FSTL4: variants seen among roughly 807,000 people sequenced by gnomAD.
FSTL4 encodes the protein follistatin-related protein 4.
In FSTL4, 28 loss-of-function variants were observed where a neutral mutation model predicts 78.2. The observed-to-expected ratio is 0.36, with a 90% CI of 0.27 to 0.49. FSTL4 has a LOEUF of 0.49. FSTL4 is among the 20% of genes least tolerant of loss of function. The pLI is 0.98. For synonymous variants in FSTL4, 422 were observed against 440.5 expected, an observed-to-expected ratio of 0.96 and a Z score of 0.53; for missense variants, 922 against 1,084.9, an observed-to-expected ratio of 0.85 and a Z score of 2.11.
intron 4 of FSTL4, among the ~76,000 whole-genome samples, chr5:133,362,908 A>AT (rs1007431545): frequency 1.3e-4 from 20 of 152,068 alleles, no homozygotes; most frequent in Non-Finnish European, 2.2e-4. Flanking sequence ...TTTAAAATTC[A>AT]TTTTTTTCTT....
intron 8 of FSTL4, among the ~76,000 whole-genome samples, chr5:133,233,156 G>A (rs1751545160): frequency 6.6e-6 from 1 of 152,262 alleles, no homozygotes; most frequent in Non-Finnish European, 1.5e-5. Context: ...CCCAGCTGCT[G>A]AGCGTGACTG....
Position 133,573,626 on chromosome 5 carries a change from TGG to T in FSTL4, c.127-6409_127-6408del, listed in dbSNP as rs1760209485. Among the ~76,000 whole-genome samples the T allele has an allele frequency of 2.0e-5, 3 of 152,202 alleles. No homozygotes were observed. The South Asian group carries it at 6.2e-4, about 32-fold the overall frequency. On this transcript the variant is annotated intron_variant, in intron 2 of 15. Transcript: ENST00000265342. Reference sequence around the variant, plus strand: ...AATTTTTTTAACCCACAATAATGGTTGGAAAATTTAAAAAATCTCTGTCTTTA... The same window carrying T: ...AATTTTTTTAACCCACAATAATGGTTAAAATTTAAAAAATCTCTGTCTTTA...
chr5:133,362,172 A>G (rs1446892606), intron 4 of FSTL4, among the ~76,000 whole-genome samples: 1 of 152,244 alleles, frequency 6.6e-6, no homozygotes, highest in Non-Finnish European at 1.5e-5. Context: ...TTGTATTTGT[A>G]GAGGCTGCCT....
At chr5:133,717,010 G>A in the FSTL4 span, among the ~76,000 whole-genome samples, 1 of 152,198 alleles carries the variant, frequency 6.6e-6, no homozygotes, top group Non-Finnish European at 1.5e-5. Context: ...AGTCTGTCCT[G>A]AGCCAGAATG....
At chr5:133,290,140 C>T (rs1285182515) in intron 6 of FSTL4, among the ~76,000 whole-genome samples, 2 of 152,166 alleles carry the variant, frequency 1.3e-5, no homozygotes, top group Non-Finnish European at 2.9e-5. Flanking sequence ...TGTGGCCCCT[C>T]GCAAAAGCAG....
chr5:133,715,325 G>A, the FSTL4 span, among the ~76,000 whole-genome samples: 1 of 152,198 alleles, frequency 6.6e-6, no homozygotes, highest in Non-Finnish European at 1.5e-5. Context: ...GACTAAATTG[G>A]CAGTTTATTA....
chr5:133,210,562 G>A (rs1158216414), intron 13 of FSTL4, among the ~76,000 whole-genome samples: 1 of 151,712 alleles, frequency 6.6e-6, no homozygotes, highest in African/African-American at 2.4e-5. Context: ...ATGTGATCTC[G>A]GCTCACTGCA....
chr5:133,759,365 C>G, the FSTL4 span, among the ~76,000 whole-genome samples: 29 of 152,308 alleles, frequency 1.9e-4, no homozygotes, highest in Admixed American at 3.3e-4. Flanking sequence ...TAACTTGGCA[C>G]AGCCCTTTCA....
intron 6 of FSTL4, among the ~76,000 whole-genome samples, chr5:133,251,682 TTC>T (rs1393151634): frequency 6.6e-6 from 1 of 152,178 alleles, no homozygotes; most frequent in Non-Finnish European, 1.5e-5. Flanking sequence ...ATTAAAGCCT[TTC>T]TTCCCTGGCA....
At chr5:133,780,008 C>G in the FSTL4 span, among the ~76,000 whole-genome samples, 5 of 152,180 alleles carry the variant, frequency 3.3e-5, no homozygotes. Context: ...GACCCAATAC[C>G]TCTGGGGAGC....
In FSTL4 at chr5:133,312,713, C is replaced by T. The variant is rs761056841; in HGVS notation, c.668G>A (p.Arg223Gln). The T allele has an allele frequency of 1.9e-5, 30 of 1,613,694 alleles. No homozygotes were observed. Among genetic ancestry groups the T allele is most frequent in the Admixed American group, 1.2e-4 (7 of 60,010 alleles). Residue 223 changes from arginine to glutamine, a missense_variant, in exon 6 of 16, where the codon CGA (arginine) becomes CAA (glutamine). Arg to Gln is a conservative substitution (Grantham distance 43). Coordinates refer to ENST00000265342, the MANE Select transcript of FSTL4 (RefSeq NM_015082.2). ...LLGCSPGDLL[R>Q]FDDYNSDSSL... ...GCTGTCACTGTTGTAATCGTCAAAT[C>T]GGAGGAGGTCACCTGGTGAGCAACC...
the FSTL4 span, among the ~76,000 whole-genome samples, chr5:133,753,728 T>TGTGTGTAC: frequency 4.1e-4 from 10 of 24,578 alleles, no homozygotes; most frequent in African/African-American, 1.1e-3. Context: ...TGTGTGTGTG[T>TGTGTGTAC]AGTGGCAGGG....
At chr5:133,785,219 T>G in the FSTL4 span, among the ~76,000 whole-genome samples, 2 of 152,174 alleles carry the variant, frequency 1.3e-5, no homozygotes, top group Non-Finnish European at 2.9e-5. Context: ...CCACAGCCCC[T>G]GTTCCTTCCT....
At chr5:133,627,151 C>CTTTTTTTTTTTTT in the FSTL4 span, among the ~76,000 whole-genome samples, 66 of 92,992 alleles carry the variant, frequency 7.1e-4, 1 homozygote, top group East Asian at 8.8e-4. Flanking sequence ...CTCTGTGTCT[C>CTTTTTTTTTTTTT]TTTTTTTTTT....
the FSTL4 span, among the ~76,000 whole-genome samples, chr5:133,698,113 C>A: frequency 2.0e-5 from 3 of 152,166 alleles, no homozygotes; most frequent in Non-Finnish European, 4.4e-5. Flanking sequence ...TCCTCTGACC[C>A]CTGACTATCA....
At chr5:133,267,977 T>C (rs1303752923) in intron 6 of FSTL4, among the ~76,000 whole-genome samples, 1 of 152,180 alleles carries the variant, frequency 6.6e-6, no homozygotes, top group East Asian at 1.9e-4. Context: ...CTGGAGGAAT[T>C]TGCTTTCAAT....
intron 1 of FSTL4, among the ~76,000 whole-genome samples, chr5:133,604,599 C>T (rs1376068846): frequency 6.6e-6 from 1 of 152,118 alleles, no homozygotes; most frequent in Admixed American, 6.6e-5. Context: ...ATTCCAGCTA[C>T]TCAGGAGGCT....
intron 12 of FSTL4, 77 bp downstream of exon 12, chr5:133,220,671 G>T: frequency 1.2e-6 from 1 of 819,316 alleles, no homozygotes; most frequent in Non-Finnish European, 2.1e-6. Context: ...AAATCAAATG[G>T]CATGCCTGGT....
At chr5:133,615,433 A>G (rs1303821744), upstream of FSTL4, among the ~76,000 whole-genome samples, 1 of 152,224 alleles carries the variant, frequency 6.6e-6, no homozygotes, top group Non-Finnish European at 1.5e-5. Context: ...CTCAGCCTCT[A>G]GGGCTCAGTG....
Sources: gnomAD v4.1 joint callset for allele counts (sites outside exome capture counted in the v4.1 genomes callset) on GRCh38, gnomAD v4.1.1 for gene constraint, MANE v1.5 for transcripts, NCBI Gene and HGNC (gene_info 2026-07-23, HGNC 2026-07-21) for gene names.